MGAT4C: variants seen among roughly 807,000 people sequenced by gnomAD.
MGAT4C encodes MGAT4 family member C.
In MGAT4C, 19 loss-of-function variants were observed where a neutral mutation model predicts 40.1. The ratio of observed to expected loss-of-function variants is 0.47; its 90% confidence interval spans 0.33 to 0.70. The LOEUF is 0.70. MGAT4C is among the 30% of genes least tolerant of loss of function. The probability of loss-of-function intolerance (pLI) is 0.02; values close to 1 mark genes in which losing one functional copy is unlikely to be tolerated. For missense variants in MGAT4C, 491 were observed against 563.2 expected, an observed-to-expected ratio of 0.87 and a Z score of 1.30; for synonymous variants, 181 against 187.1, an observed-to-expected ratio of 0.97 and a Z score of 0.27.
intron 1 of MGAT4C, among the ~76,000 whole-genome samples, chr12:86,774,345 C>T (rs113010167): frequency 0.17 from 2,311 of 13,336 alleles, 80 homozygotes; most frequent in Non-Finnish European, 0.2. Flanking sequence ...CTTTCTGTCT[C>T]TCTCTCTCCC....
intron 2 of MGAT4C, chr12:86,001,860 C>T (rs1453890406): frequency 6.5e-6 from 1 of 152,938 alleles, no homozygotes; most frequent in Non-Finnish European, 1.5e-5. Context: ...AAACCCCCTT[C>T]TTAAACTCTC....
intron 2 of MGAT4C, among the ~76,000 whole-genome samples, chr12:86,510,074 C>A (rs1958545689): frequency 6.6e-6 from 1 of 152,058 alleles, no homozygotes; most frequent in Non-Finnish European, 1.5e-5. Flanking sequence ...GCCTAATTGC[C>A]CTGGCCAGAA....
chr12:86,585,782 G>C (rs770848163), intron 2 of MGAT4C, among the ~76,000 whole-genome samples: 4 of 109,206 alleles, frequency 3.7e-5, no homozygotes, highest in Non-Finnish European at 7.7e-5. Flanking sequence ...CCACTTTATT[G>C]AAACAATTTT....
chr12:86,251,537 A>T (rs1952279976), intron 1 of MGAT4C, among the ~76,000 whole-genome samples: 1 of 152,020 alleles, frequency 6.6e-6, no homozygotes, highest in Admixed American at 6.6e-5. Context: ...TTCTAGCATG[A>T]TCATAGCCTC....
intron 1 of MGAT4C, among the ~76,000 whole-genome samples, chr12:86,788,007 A>G (rs1203300764): frequency 6.7e-6 from 1 of 149,300 alleles, no homozygotes; most frequent in Non-Finnish European, 1.5e-5. Context: ...GATAGATAAC[A>G]GAAGAAGAGA....
intron 2 of MGAT4C, among the ~76,000 whole-genome samples, chr12:86,535,028 T>G (rs1327304764): frequency 6.6e-6 from 1 of 152,118 alleles, no homozygotes; most frequent in African/African-American, 2.4e-5. Flanking sequence ...TAAGCTCATC[T>G]TTAACTAGAA....
chr12:86,796,343 T>C lies in MGAT4C; in HGVS notation c.-262+42323A>G, dbSNP rs371355043. ...GCTAGATGTACAGTGGGAAATAACATACAACATGCCCTTGCAGTGTTTGCC... is the reference window on the plus strand; with the variant it reads ...GCTAGATGTACAGTGGGAAATAACACACAACATGCCCTTGCAGTGTTTGCC... On this transcript the variant is annotated intron_variant, in intron 1 of 7. Transcript: ENST00000548651. 2.0e-4 allele frequency among the ~76,000 whole-genome samples: 31 copies of C among 152,140 alleles called. No individual in the cohort carries two copies. The East Asian group carries it at 5.6e-3, about 28-fold the overall frequency.
At chr12:86,311,470 G>C (rs56205480) in intron 4 of MGAT4C, among the ~76,000 whole-genome samples, 12,036 of 81,838 alleles carry the variant, frequency 0.15, 675 homozygotes, top group Middle Eastern at 0.3. Context: ...TTTTGCTTTG[G>C]TCTAAACTAA....
In MGAT4C at chr12:85,970,323, GAATC is replaced by G. The variant is rs1310035371; in HGVS notation, c.*8962_*8965del. 6.6e-6 allele frequency: 1 copy of G among 151,138 alleles called. No homozygotes were observed. Among genetic ancestry groups the G allele is most frequent in the Admixed American group, 6.6e-5 (1 of 15,134 alleles). The allele number at this position is 151,138 out of a possible 1,614,324, so 9.4% of individuals were successfully genotyped here. On this transcript the variant is annotated 3_prime_UTR_variant, in exon 5 of 5. Coordinates refer to ENST00000611864, the MANE Select transcript of MGAT4C (RefSeq NM_001351288.2). ...TTGACAGGCAGTTTTATTAAGAAAT[GAATC>G]AAATGGTAAATTTTGAATCATCTGG...
intron 4 of MGAT4C, among the ~76,000 whole-genome samples, chr12:86,300,910 G>A (rs1336535759): frequency 6.6e-6 from 1 of 152,090 alleles, no homozygotes; most frequent in African/African-American, 2.4e-5. Flanking sequence ...AGTCTAAGGA[G>A]GGATATCTAA....
chr12:86,464,175 A>C lies in MGAT4C; in HGVS notation c.-228-28910T>G, dbSNP rs566026221. On this transcript the variant is annotated intron_variant, in intron 2 of 7. Transcript: ENST00000548651. Reference sequence around the variant, plus strand: ...TTTTTTCCTTGATGCCTCACTGATGATTCCAAATAAAGTTTACTGGGTAAT... The same window carrying C: ...TTTTTTCCTTGATGCCTCACTGATGCTTCCAAATAAAGTTTACTGGGTAAT... Among the ~76,000 whole-genome samples, 161 of 152,278 alleles carry C rather than the reference A, an allele frequency of 1.1e-3. 1 individual carries two copies. The highest frequency in any genetic ancestry group is 6.8e-3 in the Middle Eastern group (2 of 294).
At chr12:86,219,272 G>C (rs1174968676) in intron 1 of MGAT4C, among the ~76,000 whole-genome samples, 1 of 152,130 alleles carries the variant, frequency 6.6e-6, no homozygotes, top group African/African-American at 2.4e-5. Context: ...TCCTTCCTGA[G>C]TATTTAAAGA....
At chr12:86,413,273 G>A (rs929436338) in intron 3 of MGAT4C, among the ~76,000 whole-genome samples, 1 of 152,130 alleles carries the variant, frequency 6.6e-6, no homozygotes, top group Non-Finnish European at 1.5e-5. Context: ...AGGGATAGAT[G>A]ACTTCGCTCT....
intron 1 of MGAT4C, among the ~76,000 whole-genome samples, chr12:86,107,679 T>C (rs1372938558): frequency 6.6e-6 from 1 of 152,178 alleles, no homozygotes; most frequent in Non-Finnish European, 1.5e-5. Context: ...TTTCTGAATT[T>C]ATGTAAAATT....
chr12:86,767,794 A>G (rs1346516162), intron 1 of MGAT4C, among the ~76,000 whole-genome samples: 2 of 152,228 alleles, frequency 1.3e-5, no homozygotes, highest in Admixed American at 6.5e-5. Context: ...GATGCAGAAA[A>G]GGCCTTTGAC....
In MGAT4C at chr12:86,366,044, T is replaced by C. The variant is rs556770188; in HGVS notation, c.-119-31917A>G. Among the ~76,000 whole-genome samples the C allele has an allele frequency of 9.7e-4, 147 of 152,314 alleles. 4 individuals are homozygous for C. Among genetic ancestry groups the C allele is most frequent in the South Asian group, 8.3e-4 (4 of 4,830 alleles). On this transcript the variant is annotated intron_variant, in intron 3 of 7. Coordinates refer to the MGAT4C transcript ENST00000548651. The stretch of plus-strand genomic sequence containing the variant: ...AGCATGAAATGTTTTTCCATTTATT[T>C]TTTTCATCTATGATTTCTTTCAGCA...
chr12:85,961,941 G>A lies in MGAT4C; in HGVS notation c.*17348C>T, dbSNP rs1028951329. 5.3e-5 allele frequency: 8 copies of A among 152,010 alleles called. No individual in the cohort carries two copies. The highest frequency in any genetic ancestry group is 8.9e-5 in the Non-Finnish European group (6 of 67,774). 9.4% of individuals were successfully genotyped at this position (152,010 alleles called of 1,614,324 possible). On this transcript the variant is annotated 3_prime_UTR_variant, in exon 5 of 5. Coordinates refer to ENST00000611864, the MANE Select transcript of MGAT4C (RefSeq NM_001351288.2). ...TCAAAAATCATTGCCCATCAAAGCA[G>A]TGAGACTGTGTGCTATGTCCAGTTT...
intron 2 of MGAT4C, among the ~76,000 whole-genome samples, chr12:86,509,969 A>T (rs1189101225): frequency 6.6e-6 from 1 of 152,130 alleles, no homozygotes; most frequent in Admixed American, 6.6e-5. Context: ...GGGCTGAGAC[A>T]GTGGGGTTTT....
rs1442496446 is a variant in MGAT4C, at chr12:85,969,072, T to G, written c.*10217A>C. 2 of 151,752 alleles carry G rather than the reference T, an allele frequency of 1.3e-5. No homozygotes were observed. The allele number at this position is 151,752 out of a possible 1,614,324, so 9.4% of individuals were successfully genotyped here. ...CTGCATCAGTGTTAACTAAAATACA[T>G]TGAAAGTGCCAATTCCTAGATCTAT... is the stretch of plus-strand genomic sequence containing the variant. On this transcript the variant is annotated 3_prime_UTR_variant, in exon 5 of 5. Transcript: ENST00000611864.
Sources: gnomAD v4.1 joint callset for allele counts (sites outside exome capture counted in the v4.1 genomes callset) on GRCh38, gnomAD v4.1.1 for gene constraint, MANE v1.5 for transcripts, NCBI Gene and HGNC (gene_info 2026-07-23, HGNC 2026-07-21) for gene names.